Variants in ARMH3 observed in about 807,000 individuals in gnomAD.
ARMH3 encodes the protein armadillo-like helical domain-containing protein 3.
ARMH3 carries 60 observed loss-of-function variants against 99.1 expected under a neutral mutation model. That is an observed-to-expected ratio of 0.61 (90% CI 0.49 to 0.75). The LOEUF is 0.75. Ranked by LOEUF, ARMH3 falls within the 30% of genes least tolerant of loss-of-function variation. ARMH3 has a pLI of 0.00. For synonymous variants in ARMH3, 285 were observed against 292.8 expected (o/e 0.97, Z 0.27); for missense variants, 679 against 843.1 (o/e 0.81, Z 2.41).
chr10:101,889,559 G>C (rs2067637468), intron 23 of ARMH3, 69 bp from the exon 24 acceptor site: 1 of 1,388,278 alleles, frequency 7.2e-7, no homozygotes, highest in African/African-American at 1.4e-5. Flanking sequence ...AAAAAATAAG[G>C]ATCAAGTACC....
At chr10:101,985,723 A>G (rs1313562303) in intron 19 of ARMH3, among the ~76,000 whole-genome samples, 1 of 152,018 alleles carries the variant, frequency 6.6e-6, no homozygotes, top group Non-Finnish European at 1.5e-5. Flanking sequence ...CTAAAAAAAA[A>G]TTACACACAT....
At chr10:102,043,143 T>G (rs988352322) in intron 1 of ARMH3, among the ~76,000 whole-genome samples, 3 of 152,200 alleles carry the variant, frequency 2.0e-5, no homozygotes, top group African/African-American at 4.8e-5. Context: ...GTGTAATCTG[T>G]ACATTCTCAA....
intron 1 of ARMH3, among the ~76,000 whole-genome samples, chr10:102,051,974 G>A (rs2067718047): frequency 6.6e-6 from 1 of 152,046 alleles, no homozygotes; most frequent in South Asian, 2.1e-4. Context: ...CAGTATTTCA[G>A]GAAATTCTGA....
At chr10:102,039,771 A>G (rs2067363948) in intron 2 of ARMH3, among the ~76,000 whole-genome samples, 1 of 152,176 alleles carries the variant, frequency 6.6e-6, no homozygotes, top group South Asian at 2.1e-4. Flanking sequence ...CCTCCTTTCA[A>G]TTGTTTTACC....
intron 8 of ARMH3, among the ~76,000 whole-genome samples, chr10:102,019,770 A>G (rs922462681): frequency 6.6e-6 from 1 of 151,954 alleles, no homozygotes; most frequent in African/African-American, 2.4e-5. Context: ...TACTAAAAAT[A>G]CAAAAAAATT....
In ARMH3 at chr10:101,993,247, G is replaced by T. The variant is rs530324718; in HGVS notation, c.1275+291C>A. Among the ~76,000 whole-genome samples the T allele has an allele frequency of 6.0e-5, 9 of 150,738 alleles. 1 individual carries two copies. The South Asian group carries it at 1.7e-3, about 28-fold the overall frequency. ...GATCACACCATTGCACTCCAGCCTG[G>T]GGGGGAGAGAGAGAGAGAGAGACTC... On this transcript the variant is annotated intron_variant, in intron 17 of 25. Coordinates refer to ENST00000370033, the MANE Select transcript of ARMH3 (RefSeq NM_024541.3).
At chr10:101,863,006 C>A (rs2066909632) in intron 24 of ARMH3, among the ~76,000 whole-genome samples, 1 of 152,024 alleles carries the variant, frequency 6.6e-6, no homozygotes, top group Non-Finnish European at 1.5e-5. Flanking sequence ...GAGTTCGAGA[C>A]CAGCCTGACC....
intron 8 of ARMH3, among the ~76,000 whole-genome samples, chr10:102,019,666 G>A (rs987799256): frequency 7.9e-5 from 12 of 151,586 alleles, no homozygotes; most frequent in African/African-American, 2.7e-4. Flanking sequence ...GGTGGCTCAC[G>A]CCTGTAATCC....
chr10:101,874,866 G>A (rs78735643), intron 24 of ARMH3, among the ~76,000 whole-genome samples: 2,144 of 152,208 alleles, frequency 0.014, 24 homozygotes, highest in Middle Eastern at 0.048. Flanking sequence ...GCTTACAAAG[G>A]GTCAGGTGGG....
chr10:102,008,917 G>A (rs971341707), intron 13 of ARMH3, among the ~76,000 whole-genome samples: 2 of 152,048 alleles, frequency 1.3e-5, no homozygotes, highest in African/African-American at 4.8e-5. Context: ...CACGTTATCT[G>A]TTAACAGCTA....
At chr10:101,915,948 C>T (rs1044068175) in intron 23 of ARMH3, among the ~76,000 whole-genome samples, 4 of 151,974 alleles carry the variant, frequency 2.6e-5, no homozygotes, top group South Asian at 4.2e-4. Context: ...GAACTACAGG[C>T]GCCCACCACG....
intron 9 of ARMH3, among the ~76,000 whole-genome samples, chr10:102,013,395 C>T (rs1489042535): frequency 6.6e-6 from 1 of 152,128 alleles, no homozygotes; most frequent in African/African-American, 2.4e-5. Context: ...TCAATTAAGG[C>T]CACAGCATGA....
chr10:101,900,638 A>G (rs1489465896), intron 23 of ARMH3, among the ~76,000 whole-genome samples: 1 of 152,172 alleles, frequency 6.6e-6, no homozygotes, highest in Non-Finnish European at 1.5e-5. Flanking sequence ...AGCATGGGAG[A>G]GCAAGAAAAT....
At chr10:101,869,012 C>T (rs1436887548) in intron 24 of ARMH3, among the ~76,000 whole-genome samples, 1 of 148,540 alleles carries the variant, frequency 6.7e-6, no homozygotes, top group Non-Finnish European at 1.5e-5. Context: ...GCAGAGGTTG[C>T]AGTGAGCCAA....
chr10:102,038,309 A>G (rs1195935113), intron 2 of ARMH3, among the ~76,000 whole-genome samples: 1 of 151,768 alleles, frequency 6.6e-6, no homozygotes, highest in Non-Finnish European at 1.5e-5. Context: ...TTAGCCAGGA[A>G]GGTCTCGATC....
rs764778326 is a variant in ARMH3, at chr10:101,993,592, G to A, written c.1221C>T (p.Ala407=). ...TGTTGTCATCATGCAAAAATGCATT[G>A]GCATATTGATCCTAATAAAAATATA... ...ILTCIAEDQY[A]NAFLHDDNMN... Residue 407 remains alanine, a synonymous_variant, in exon 17 of 26, where the codon GCC becomes GCT. Coordinates refer to ENST00000370033, the MANE Select transcript of ARMH3 (RefSeq NM_024541.3). The A allele has an allele frequency of 2.5e-6, 4 of 1,595,986 alleles. No individual in the cohort carries two copies. The highest frequency in any genetic ancestry group is 3.4e-6 in the Non-Finnish European group (4 of 1,168,902).
At chr10:101,954,668 G>T (rs531430066) in intron 22 of ARMH3, among the ~76,000 whole-genome samples, 1 of 152,254 alleles carries the variant, frequency 6.6e-6, no homozygotes, top group South Asian at 2.1e-4. Flanking sequence ...TGCCATATAT[G>T]TAAATTACGG....
intron 20 of ARMH3, among the ~76,000 whole-genome samples, chr10:101,963,703 G>A (rs1468064020): frequency 1.3e-5 from 2 of 150,736 alleles, no homozygotes; most frequent in Non-Finnish European, 3.0e-5. Flanking sequence ...GGGTTCAAGC[G>A]ATTCTCCTGC....
intron 24 of ARMH3, among the ~76,000 whole-genome samples, chr10:101,875,323 T>G (rs1250926098): frequency 6.6e-6 from 1 of 152,152 alleles, no homozygotes; most frequent in East Asian, 1.9e-4. Context: ...CTCCCTCCAC[T>G]GGGTGCTTAT....
Sources: gnomAD v4.1 joint callset for allele counts (sites outside exome capture counted in the v4.1 genomes callset) on GRCh38, gnomAD v4.1.1 for gene constraint, MANE v1.5 for transcripts, NCBI Gene and HGNC (gene_info 2026-07-23, HGNC 2026-07-21) for gene names.